TF: variants seen among roughly 807,000 people sequenced by gnomAD.
The protein encoded by TF is serotransferrin.
Under a neutral mutation model 82.4 loss-of-function variants are expected in TF, and 55 were observed. That is an observed-to-expected ratio of 0.67 (90% confidence interval 0.54 to 0.84). TF has a LOEUF of 0.84. Among genes scored for constraint, TF ranks in the 40% least tolerant of loss-of-function variants. The pLI is 0.00. For missense variants in TF, 737 were observed against 868.4 expected, an observed-to-expected ratio of 0.85 and a Z score of 1.90; for synonymous variants, 332 against 332.6, an observed-to-expected ratio of 1.00 and a Z score of 0.02.
rs888325208 is a variant in TF, at chr3:133,756,146, C to A, written c.636-136C>A. ...CAGCACTACGCTGGAGGTCTGCACA[C>A]CATGGTGTTGCTTCAGCTACGGGGC... is the stretch of plus-strand genomic sequence containing the variant. On this transcript the variant is annotated intron_variant, in intron 5 of 16. Coordinates refer to ENST00000402696, the MANE Select transcript of TF (RefSeq NM_001063.4). 8 of 809,588 alleles carry A rather than the reference C, an allele frequency of 9.9e-6. No individual in the cohort carries two copies. The Admixed American group carries it at 1.4e-4, about 15-fold the overall frequency. 50.2% of individuals were successfully genotyped at this position (809,588 alleles called of 1,614,324 possible). A position where few individuals can be genotyped will look rare whatever the true frequency, so the allele number is the denominator to read the frequency against.
the TF span, among the ~76,000 whole-genome samples, chr3:133,697,530 A>G: frequency 5.2e-3 from 789 of 152,304 alleles, 17 homozygotes; most frequent in Admixed American, 0.042. Flanking sequence ...ATCTTGATTT[A>G]CCTTTGCCCA....
At chr3:133,678,618 T>C in the TF span, among the ~76,000 whole-genome samples, 2 of 152,240 alleles carry the variant, frequency 1.3e-5, no homozygotes, top group African/African-American at 4.8e-5. Context: ...CCAGTGATGT[T>C]GAGCTTTTTT....
upstream of TF, among the ~76,000 whole-genome samples, chr3:133,742,779 AAAC>A (rs1335900137): frequency 6.6e-6 from 1 of 152,302 alleles, no homozygotes; most frequent in South Asian, 2.1e-4. Flanking sequence ...CAACATTTGG[AAAC>A]AACAAATATT....
rs1934730137 is a variant in TF at position 133,787,992 on chromosome 3, G to A, written c.*9372G>A. 6.6e-6 allele frequency: 1 copy of A among 152,192 alleles called. No homozygotes were observed. The highest frequency in any genetic ancestry group is 2.4e-5 in the African/African-American group (1 of 41,442). 9.4% of individuals were successfully genotyped at this position (152,192 alleles called of 1,614,324 possible). On this transcript the variant is annotated 3_prime_UTR_variant, in exon 17 of 17. Coordinates refer to ENST00000402696, the MANE Select transcript of TF (RefSeq NM_001063.4). ...GGCCCATATCCACCAGGTTGGTGGTGCAGAGGAGCTGGAAGAAATGAAGGA... is the reference window on the plus strand; with the variant it reads ...GGCCCATATCCACCAGGTTGGTGGTACAGAGGAGCTGGAAGAAATGAAGGA...
chr3:133,770,696 C>T (rs1934238696), intron 14 of TF, 124 bp downstream of exon 14: 1 of 1,094,944 alleles, frequency 9.1e-7, no homozygotes, highest in Admixed American at 1.7e-5. Context: ...CTCTGATTCT[C>T]AGTCTGTCTG....
At chr3:133,732,675 C>T in the TF span, among the ~76,000 whole-genome samples, 7 of 152,292 alleles carry the variant, frequency 4.6e-5, no homozygotes, top group African/African-American at 1.7e-4. Flanking sequence ...ACCACCAGCA[C>T]ACCAGAAGGA....
rs532252374 is a variant in TF at position 133,790,640 on chromosome 3, G to T, written c.*12020G>T. On this transcript the variant is annotated 3_prime_UTR_variant, in exon 17 of 17. Coordinates refer to ENST00000402696, the MANE Select transcript of TF (RefSeq NM_001063.4). ...ATAAAAGTAAAATAAGCATTGTAAA[G>T]AAATGCATCGGCAGTTTGGCAATTC... 7 of 152,346 alleles carry T rather than the reference G, an allele frequency of 4.6e-5. No homozygotes were observed. The highest frequency in any genetic ancestry group is 1.7e-4 in the African/African-American group (7 of 41,588). The allele number at this position is 152,346 out of a possible 1,614,324, so 9.4% of individuals were successfully genotyped here. A position where few individuals can be genotyped will look rare whatever the true frequency, so the allele number is the denominator to read the frequency against.
rs890787302 is a variant in TF, at chr3:133,793,406, T to G, written c.*14786T>G. The stretch of plus-strand genomic sequence containing the variant: ...AAAATTGTCTTTTCTAACCTCTAAC[T>G]TTGAGATGCTGCAGAGGGCCCCTGA... On this transcript the variant is annotated 3_prime_UTR_variant, in exon 17 of 17. Transcript: ENST00000402696. The G allele has an allele frequency of 1.3e-5, 2 of 152,210 alleles. No individual in the cohort carries two copies. The highest frequency in any genetic ancestry group is 4.1e-4 in the South Asian group (2 of 4,822). 9.4% of individuals were successfully genotyped at this position (152,210 alleles called of 1,614,324 possible).
intron 5 of TF, 131 bp from the exon 6 acceptor site, chr3:133,756,151 G>C: frequency 1.2e-6 from 1 of 826,636 alleles, no homozygotes; most frequent in South Asian, 1.5e-5. Context: ...GCACACCATG[G>C]TGTTGCTTCA....
chr3:133,703,895 T>G, the TF span, among the ~76,000 whole-genome samples: 7 of 152,128 alleles, frequency 4.6e-5, no homozygotes, highest in African/African-American at 1.7e-4. Flanking sequence ...TTAAATGCAT[T>G]TCCTGAGTCT....
At chr3:133,677,791 C>G in the TF span, among the ~76,000 whole-genome samples, 104 of 151,998 alleles carry the variant, frequency 6.8e-4, no homozygotes, top group Non-Finnish European at 1.2e-3. Flanking sequence ...TCAAGCGATC[C>G]TCCTATCTCA....
rs113724772 is a variant in TF, at chr3:133,754,672, G to T, written c.502+1G>T. 6.2e-7 allele frequency: 1 copy of T among 1,614,042 alleles called. No homozygotes were observed. On this transcript the variant is annotated splice_donor_variant, in intron 4 of 16. Coordinates refer to ENST00000402696, the MANE Select transcript of TF (RefSeq NM_001063.4). LOFTEE classifies it high-confidence loss of function. The stretch of plus-strand genomic sequence containing the variant: ...GAGCCACGTAAACCTCTTGAGAAAG[G>T]TAAGCTGGCAGGAGTCTGGGTGCCC...
chr3:133,696,958 A>G, the TF span, among the ~76,000 whole-genome samples: 4 of 152,224 alleles, frequency 2.6e-5, no homozygotes, highest in Non-Finnish European at 4.4e-5. Flanking sequence ...TTTGAAATAC[A>G]TGTATATATT....
At chr3:133,683,300 G>A in the TF span, among the ~76,000 whole-genome samples, 9 of 152,246 alleles carry the variant, frequency 5.9e-5, no homozygotes, top group African/African-American at 1.4e-4. Context: ...ATCAACTAAC[G>A]AGCAAAATAA....
chr3:133,694,601 A>G, the TF span, among the ~76,000 whole-genome samples: 3 of 152,296 alleles, frequency 2.0e-5, no homozygotes, highest in Admixed American at 6.5e-5. Context: ...AGGGAATGCT[A>G]GGGAGACAGA....
chr3:133,785,233 C>T lies in TF; in HGVS notation c.*6613C>T, dbSNP rs1206522911. 10 of 98,020 alleles carry T rather than the reference C, an allele frequency of 1.0e-4. No homozygotes were observed. Among genetic ancestry groups the T allele is most frequent in the South Asian group, 4.9e-4 (1 of 2,034 alleles). 6.1% of individuals were successfully genotyped at this position (98,020 alleles called of 1,614,324 possible). On this transcript the variant is annotated 3_prime_UTR_variant, in exon 17 of 17. Transcript: ENST00000402696. ...CTGGGAGGTGAGGGGCGCCTCTGCCCGGCCGCCCCTACTGGGAAGTGAGGA... is the reference window on the plus strand; with the variant it reads ...CTGGGAGGTGAGGGGCGCCTCTGCCTGGCCGCCCCTACTGGGAAGTGAGGA...
At chr3:133,664,302 C>G in the TF span, among the ~76,000 whole-genome samples, 3 of 152,148 alleles carry the variant, frequency 2.0e-5, no homozygotes, top group Non-Finnish European at 4.4e-5. Flanking sequence ...TATATATAAC[C>G]TGTGCACATA....
chr3:133,768,015 G>A lies in TF; in HGVS notation c.1487-14G>A. ...ACTCAGGAAAAGCTGACTTCCTCTT[G>A]TCCTTCTGCACAGATGAATTTTTCA... On this transcript the variant is annotated splice_polypyrimidine_tract_variant and intron_variant, in intron 12 of 16. Coordinates refer to ENST00000402696, the MANE Select transcript of TF (RefSeq NM_001063.4). 2 of 1,614,030 alleles carry A rather than the reference G, an allele frequency of 1.2e-6. No individual in the cohort carries two copies. Among genetic ancestry groups the A allele is most frequent in the East Asian group, 2.2e-5 (1 of 44,882 alleles).
At chr3:133,718,009 G>A in the TF span, among the ~76,000 whole-genome samples, 1 of 152,150 alleles carries the variant, frequency 6.6e-6, no homozygotes, top group South Asian at 2.1e-4. Flanking sequence ...ACTGGCCCCT[G>A]TGCTCCCTGA....
Sources: allele counts gnomAD v4.1 joint callset (sites outside exome capture counted in the v4.1 genomes callset), GRCh38; gene constraint gnomAD v4.1.1; transcripts MANE v1.5; gene names NCBI Gene and HGNC (gene_info 2026-07-23, HGNC 2026-07-21).